Variants in GNG7 observed in about 807,000 individuals in gnomAD.
GNG7 encodes the protein guanine nucleotide-binding protein G(I)/G(S)/G(O) subunit gamma-7.
A neutral mutation model predicts 4.0 loss-of-function variants in GNG7; 1 was observed. The ratio of observed to expected loss-of-function variants is 0.25; its 90% CI spans 0.09 to 1.18. The LOEUF (loss-of-function observed/expected upper bound fraction) is 1.18. Among genes scored for constraint, GNG7 ranks in the 50% most tolerant of loss-of-function variants. The pLI is 0.50. For synonymous variants in GNG7, 34 were observed against 36.9 expected, an observed-to-expected ratio of 0.92 and a Z score of 0.29; for missense variants, 86 against 91.9, an observed-to-expected ratio of 0.94 and a Z score of 0.26.
chr19:2,610,092 TG>T (rs1229581083), intron 2 of GNG7: 1 of 152,196 alleles, frequency 6.6e-6, no homozygotes, highest in African/African-American at 2.4e-5. Context: ...GCAAGGGCCT[TG>T]CCCCAGGGGA....
intron 4 of GNG7, among the ~76,000 whole-genome samples, chr19:2,515,936 C>T (rs1972729264): frequency 1.3e-5 from 2 of 151,786 alleles, no homozygotes; most frequent in Non-Finnish European, 2.9e-5. Context: ...GTGTCTTGGC[C>T]AGGTGCGGTG....
intron 3 of GNG7, among the ~76,000 whole-genome samples, chr19:2,553,375 G>A (rs1409949123): frequency 8.0e-6 from 1 of 124,320 alleles, no homozygotes; most frequent in Non-Finnish European, 1.7e-5. Context: ...TGCCAGCATG[G>A]TGCTGAGCAT....
At chr19:2,552,638 G>A (rs1400020641) in intron 3 of GNG7, among the ~76,000 whole-genome samples, 1 of 151,280 alleles carries the variant, frequency 6.6e-6, no homozygotes, top group Non-Finnish European at 1.5e-5. Flanking sequence ...ACCCGCCTCA[G>A]CCTCCCAAAA....
At position 2,546,417 on chromosome 19, in the gene GNG7, C is replaced by T. The variant is rs1979128874; in HGVS notation, c.-38+8732G>A. On this transcript the variant is annotated intron_variant, in intron 3 of 4. Coordinates refer to ENST00000382159, the MANE Select transcript of GNG7 (RefSeq NM_052847.3). This position sits in a 1 kb window ranked among gnomAD's most constrained non-coding sequence, Gnocchi z 6.3. The stretch of plus-strand genomic sequence containing the variant: ...GTGGCTCTGTGACCTCAAGGCAGGG[C>T]CGTGGGGCCCAGGGCTGCGGGCGGG... 6.6e-6 allele frequency among the ~76,000 whole-genome samples: 1 copy of T among 152,226 alleles called. No homozygotes were observed. The highest frequency in any genetic ancestry group is 6.5e-5 in the Admixed American group (1 of 15,290).
At chr19:2,695,811 G>T (rs113152125) in intron 1 of GNG7, among the ~76,000 whole-genome samples, 33 of 152,240 alleles carry the variant, frequency 2.2e-4, no homozygotes, top group African/African-American at 7.7e-4. Context: ...GGAGTCTCCC[G>T]CCAGGGATGA....
chr19:2,529,305 C>G lies in GNG7; in HGVS notation c.-37-8580G>C, dbSNP rs148608956. ...CAACTCGGCTCACTGCAACCTCCGC[C>G]TCCCAGGTTCAAGCGATTCTCTTGC... On this transcript the variant is annotated intron_variant, in intron 3 of 4. Transcript: ENST00000382159. Among the ~76,000 whole-genome samples, 1,481 of 152,330 alleles carry G rather than the reference C, an allele frequency of 9.7e-3. 21 individuals carry two copies. The highest frequency in any genetic ancestry group is 0.034 in the African/African-American group (1,399 of 41,580).
intron 2 of GNG7, among the ~76,000 whole-genome samples, chr19:2,624,388 G>C (rs562171025): frequency 6.6e-6 from 1 of 151,706 alleles, no homozygotes; most frequent in African/African-American, 2.4e-5. Context: ...AAAATTAGCC[G>C]GGCGTGGTGG....
chr19:2,657,399 T>TACACACACAC (rs60342985), intron 1 of GNG7, among the ~76,000 whole-genome samples: 1 of 80,746 alleles, frequency 1.2e-5, no homozygotes, highest in African/African-American at 6.2e-5. Flanking sequence ...TATATATATA[T>TACACACACAC]ACACATAATA....
chr19:2,565,746 G>A (rs113479524), intron 2 of GNG7, among the ~76,000 whole-genome samples: 1,831 of 152,280 alleles, frequency 0.012, 35 homozygotes, highest in African/African-American at 0.041. Flanking sequence ...GACAGTTACC[G>A]GCAGCTCAGG....
At chr19:2,630,886 T>G (rs1982142731) in intron 2 of GNG7, 3 of 152,208 alleles carry the variant, frequency 2.0e-5, no homozygotes, top group Non-Finnish European at 4.4e-5. Context: ...ACACTCTTTA[T>G]GTGCTGCAGA....
At chr19:2,600,200 T>C (rs1459909680) in intron 2 of GNG7, among the ~76,000 whole-genome samples, 1 of 151,956 alleles carries the variant, frequency 6.6e-6, no homozygotes, top group African/African-American at 2.4e-5. Context: ...ATTAAATATT[T>C]TTTTAAACCA....
chr19:2,625,064 C>T (rs551241222), intron 2 of GNG7, among the ~76,000 whole-genome samples: 1 of 152,276 alleles, frequency 6.6e-6, no homozygotes, highest in South Asian at 2.1e-4. Context: ...TCCCCTGGGG[C>T]CTCTAGACCT....
At position 2,634,746 on chromosome 19, in the gene GNG7, A is replaced by G. The variant is rs536311268; in HGVS notation, c.-78+11478T>C. 1.3e-5 allele frequency among the ~76,000 whole-genome samples: 2 copies of G among 152,244 alleles called. No individual in the cohort carries two copies. Among genetic ancestry groups the G allele is most frequent in the East Asian group, 3.9e-4 (2 of 5,192 alleles). On this transcript the variant is annotated intron_variant, in intron 2 of 4. Transcript: ENST00000382159. This position sits in a 1 kb window ranked among gnomAD's most constrained non-coding sequence, Gnocchi z 5.3. The stretch of plus-strand genomic sequence containing the variant: ...TGATAATAACGTGAATTTCAACACG[A>G]CCAGGACATGCTGAAATCTGGTGAC...
At position 2,683,844 on chromosome 19, in the gene GNG7, G is replaced by A. The variant is rs565940118; in HGVS notation, c.-135+18802C>T. Among the ~76,000 whole-genome samples the A allele has an allele frequency of 1.1e-4, 16 of 152,332 alleles. No individual in the cohort carries two copies. In the East Asian group the frequency reaches 2.9e-3, roughly 28 times the overall value. On this transcript the variant is annotated intron_variant, in intron 1 of 4. Transcript: ENST00000382159. The stretch of plus-strand genomic sequence containing the variant: ...GGCAGGGACGGGCTTGCTGCCGGGA[G>A]GTACCCGTGCAGAAACAAGAAAGGA...
intron 2 of GNG7, among the ~76,000 whole-genome samples, chr19:2,589,140 C>T (rs1980763135): frequency 6.6e-6 from 1 of 151,814 alleles, no homozygotes. Flanking sequence ...CTTGGTCAGG[C>T]TGGTCTCGAA....
At chr19:2,535,325 C>CA (rs10606231) in intron 3 of GNG7, among the ~76,000 whole-genome samples, 51,747 of 125,564 alleles carry the variant, frequency 0.41, 10,373 homozygotes, top group Non-Finnish European at 0.46. Flanking sequence ...CTTGACTCTA[C>CA]AAAAAAAAAA....
At chr19:2,620,221 A>AGAGGAGAGGGGAGGGGAGGG (rs1981829205) in intron 2 of GNG7, among the ~76,000 whole-genome samples, 2 of 73,958 alleles carry the variant, frequency 2.7e-5, no homozygotes, top group African/African-American at 1.5e-4. Context: ...AGAAAAGAAA[A>AGAGGAGAGGGGAGGGGAGGG]GAGGAGAGGG....
At chr19:2,580,889 C>G (rs546597238) in intron 2 of GNG7, among the ~76,000 whole-genome samples, 1 of 152,036 alleles carries the variant, frequency 6.6e-6, no homozygotes, top group Non-Finnish European at 1.5e-5. Context: ...CTCAGCCTCC[C>G]GAGTAGCTGG....
At chr19:2,665,950 C>G (rs1983298570) in intron 1 of GNG7, among the ~76,000 whole-genome samples, 1 of 152,126 alleles carries the variant, frequency 6.6e-6, no homozygotes, top group Non-Finnish European at 1.5e-5. Context: ...CTCACTGCCT[C>G]TGCCTCCCGG....
Sources: gnomAD v4.1 joint callset for allele counts (sites outside exome capture counted in the v4.1 genomes callset) on GRCh38, gnomAD v4.1.1 for gene constraint, Gnocchi (gnomAD v3.1) non-coding constraint, MANE v1.5 for transcripts, NCBI Gene and HGNC (gene_info 2026-07-23, HGNC 2026-07-21) for gene names.